RPGRIP1: variants seen among roughly 807,000 people sequenced by gnomAD.
RPGRIP1 encodes the protein RPGR interacting protein 1, also known as X-linked retinitis pigmentosa GTPase regulator-interacting protein 1.
RPGRIP1 carries 128 observed loss-of-function variants against 157.9 expected under a neutral mutation model. The observed-to-expected ratio is 0.81, with a 90% CI of 0.70 to 0.94. The LOEUF (loss-of-function observed/expected upper bound fraction) is 0.94, where lower values mean the gene tolerates loss of function less well. Ranked by LOEUF, RPGRIP1 falls within the 40% of genes least tolerant of loss-of-function variation. The pLI is 0.00. For missense variants in RPGRIP1, 1,486 were observed against 1,545.8 expected, an observed-to-expected ratio of 0.96 and a Z score of 0.65; for synonymous variants, 554 against 571.6, an observed-to-expected ratio of 0.97 and a Z score of 0.44.
intron 1 of RPGRIP1, among the ~76,000 whole-genome samples, chr14:21,283,202 T>G (rs1352835746): frequency 6.6e-6 from 1 of 152,198 alleles, no homozygotes; most frequent in African/African-American, 2.4e-5. Flanking sequence ...AAGCTTATGA[T>G]GCAGTCACCT....
intron 21 of RPGRIP1, among the ~76,000 whole-genome samples, chr14:21,339,821 T>A (rs1884804685): frequency 2.0e-5 from 3 of 152,186 alleles, no homozygotes; most frequent in Admixed American, 2.0e-4. Flanking sequence ...CCGGGCTCTG[T>A]GGGCACAAAA....
intron 15 of RPGRIP1, 30 bp from the exon 16 acceptor site, chr14:21,325,202 C>T (rs1162326317): frequency 2.5e-6 from 4 of 1,580,648 alleles, no homozygotes; most frequent in Admixed American, 3.8e-5. Flanking sequence ...CATCTGTATT[C>T]CCCCTGCTTT....
rs181924278 is a variant in RPGRIP1 at position 21,339,983 on chromosome 14, G to T, written c.3340-3053G>T. ...AAATAGGGCGATATAATAGCAATGC[G>T]AGGAGTTGAACTAGGATAGGTGTTG... is the stretch of plus-strand genomic sequence containing the variant. On this transcript the variant is annotated intron_variant, in intron 21 of 24. Transcript: ENST00000400017. 2.4e-3 allele frequency among the ~76,000 whole-genome samples: 360 copies of T among 152,276 alleles called. 3 individuals carry two copies. The highest frequency in any genetic ancestry group is 8.2e-3 in the African/African-American group (341 of 41,546).
chr14:21,327,376 A>T (rs976162268), intron 17 of RPGRIP1, among the ~76,000 whole-genome samples: 2 of 152,130 alleles, frequency 1.3e-5, no homozygotes, highest in African/African-American at 4.8e-5. Context: ...ACTCCTTTTC[A>T]TACACCCTTC....
intron 24 of RPGRIP1, among the ~76,000 whole-genome samples, chr14:21,349,480 A>C (rs1388944467): frequency 1.4e-5 from 2 of 146,340 alleles, no homozygotes; most frequent in Non-Finnish European, 3.0e-5. Context: ...AGCTCACCAC[A>C]ACCTCTGCCT....
intron 2 of RPGRIP1, among the ~76,000 whole-genome samples, chr14:21,290,909 G>A (rs1466207271): frequency 6.6e-6 from 1 of 150,962 alleles, no homozygotes; most frequent in Non-Finnish European, 1.5e-5. Context: ...GCTGAGGCAT[G>A]AGAAAAACTT....
At chr14:21,309,580 G>C (rs1204106456) in intron 7 of RPGRIP1, among the ~76,000 whole-genome samples, 1 of 152,094 alleles carries the variant, frequency 6.6e-6, no homozygotes, top group African/African-American at 2.4e-5. Context: ...TAAAAGATTA[G>C]CTTGTGTTAA....
In RPGRIP1 at chr14:21,327,595, G is replaced by A. The variant is rs555328553; in HGVS notation, c.2711-28G>A. 3.8e-6 allele frequency: 6 copies of A among 1,599,736 alleles called. No homozygotes were observed. In the South Asian group the frequency reaches 5.5e-5, roughly 15 times the overall value. The stretch of plus-strand genomic sequence containing the variant: ...TCACTTGCTTATTTCATGTGATCAG[G>A]TCTTATTAATATCTGTTTGTTTCTC... On this transcript the variant is annotated intron_variant, in intron 17 of 24. Coordinates refer to ENST00000400017, the MANE Select transcript of RPGRIP1 (RefSeq NM_020366.4).
At chr14:21,309,776 A>G (rs1393085346) in intron 7 of RPGRIP1, among the ~76,000 whole-genome samples, 1 of 152,122 alleles carries the variant, frequency 6.6e-6, no homozygotes, top group Non-Finnish European at 1.5e-5. Flanking sequence ...AGTTGATATG[A>G]TCAATTTTTT....
Position 21,345,116 on chromosome 14 carries a change from T to A in RPGRIP1, c.3536T>A (p.Ile1179Lys). 1 of 1,609,502 alleles carries A rather than the reference T, an allele frequency of 6.2e-7. No homozygotes were observed. The highest frequency in any genetic ancestry group is 8.5e-7 in the Non-Finnish European group (1 of 1,175,832). The change falls in exon 23 of 25, where the codon ATA becomes AAA. Residue 1179 changes from isoleucine to lysine, a missense_variant. Ile to Lys is a moderately radical substitution (Grantham distance 102, BLOSUM62 -3). Transcript: ENST00000400017. ...EEIHFHFSKV[I>K]DLDPQEQQGR... ...TTTTCTCTTACCCTTAATACAGTAATAGACCTGGACCCACAGGAGCAGCAA... is the reference window on the plus strand; with the variant it reads ...TTTTCTCTTACCCTTAATACAGTAAAAGACCTGGACCCACAGGAGCAGCAA...
rs553302219 is a variant in RPGRIP1 at position 21,330,384 on chromosome 14, A to G, written c.3235A>G (p.Asn1079Asp). ...ACAGAAGGAACCTCTACATCCTGTA[A>G]ATGGTATTGTCTTTTAAAATCTATT... is the stretch of plus-strand genomic sequence containing the variant. ...LKQKEPLHPV[N>D]DKESSEQGSE... The change falls in exon 20 of 25, where the codon AAT (asparagine) becomes GAT (aspartate). Residue 1079 changes from asparagine to aspartate, a missense_variant. Asn to Asp is a conservative substitution (Grantham distance 23, BLOSUM62 1). Transcript: ENST00000400017. 2.6e-6 allele frequency: 4 copies of G among 1,512,160 alleles called. No individual in the cohort carries two copies. The highest frequency in any genetic ancestry group is 3.5e-6 in the Non-Finnish European group (4 of 1,137,352). The allele number at this position is 1,512,160 out of a possible 1,614,324, so 93.7% of individuals were successfully genotyped here.
rs754062559 is a variant in RPGRIP1, at chr14:21,326,115, G to A, written c.2652G>A (p.Ser884=). ...VFDDEDLEPG[S]YLGRARVPLL... is the part of the protein sequence containing the mutation. ...ATGATGAAGACTTAGAGCCTGGCTC[G>A]TATCTTGGCCGAGCCCGAGTGCCTT... Residue 884 remains serine (S), a synonymous_variant, in exon 17 of 25, where the codon TCG becomes TCA. Coordinates refer to ENST00000400017, the MANE Select transcript of RPGRIP1 (RefSeq NM_020366.4). 2.6e-5 allele frequency: 41 copies of A among 1,605,458 alleles called. No homozygotes were observed. Among genetic ancestry groups the A allele is most frequent in the Non-Finnish European group, 3.4e-5 (40 of 1,174,232 alleles).
chr14:21,330,197 A>C (rs1001781283), intron 19 of RPGRIP1, 52 bp from the exon 20 acceptor site: 1 of 1,359,914 alleles, frequency 7.4e-7, no homozygotes, highest in African/African-American at 1.5e-5. Flanking sequence ...GGAATGAAGA[A>C]AGAAAACCAA....
At chr14:21,291,255 G>C (rs1022838019) in intron 2 of RPGRIP1, among the ~76,000 whole-genome samples, 1 of 151,948 alleles carries the variant, frequency 6.6e-6, no homozygotes, top group Non-Finnish European at 1.5e-5. Context: ...TGAGAATTTT[G>C]TGCTTCTGAA....
At chr14:21,342,350 G>A (rs1347419044) in intron 21 of RPGRIP1, among the ~76,000 whole-genome samples, 5 of 151,960 alleles carry the variant, frequency 3.3e-5, no homozygotes, top group South Asian at 2.1e-4. Context: ...CTAGACCATC[G>A]TGGGCAACAT....
chr14:21,329,989 G>A (rs988835402), intron 19 of RPGRIP1, among the ~76,000 whole-genome samples: 3 of 150,942 alleles, frequency 2.0e-5, no homozygotes, highest in East Asian at 4.0e-4. Flanking sequence ...GTGGTGACGG[G>A]CTCCTGTAAT....
At position 21,325,507 on chromosome 14, in the gene RPGRIP1, C is replaced by T. The variant is rs980735549; in HGVS notation, c.2367+124C>T. The T allele has an allele frequency of 2.2e-5, 21 of 941,938 alleles. No individual in the cohort carries two copies. The South Asian group carries it at 3.7e-4, about 16-fold the overall frequency. 58.3% of individuals were successfully genotyped at this position (941,938 alleles called of 1,614,324 possible). A position where few individuals can be genotyped will look rare whatever the true frequency, so the allele number is the denominator to read the frequency against. On this transcript the variant is annotated intron_variant, in intron 16 of 24. Coordinates refer to ENST00000400017, the MANE Select transcript of RPGRIP1 (RefSeq NM_020366.4). ...GTGAATGAAAGAGAAAACTGTCACA[C>T]CACAACTAGTCTGGATTATTCCCTT...
chr14:21,308,178 GAAGGA>G (rs1046604099), intron 7 of RPGRIP1, among the ~76,000 whole-genome samples: 3 of 152,204 alleles, frequency 2.0e-5, no homozygotes, highest in African/African-American at 4.8e-5. Flanking sequence ...ACAGGGAAGG[GAAGGA>G]AACTAGCCTT....
At chr14:21,334,471 C>G (rs150151888) in intron 20 of RPGRIP1, 134 bp from the exon 21 acceptor site, 1 of 682,648 alleles carries the variant, frequency 1.5e-6, no homozygotes, top group Non-Finnish European at 2.7e-6. Flanking sequence ...GGGTTTGATT[C>G]TTAGTAAGTG....
Sources: allele counts gnomAD v4.1 joint callset (sites outside exome capture counted in the v4.1 genomes callset), GRCh38; gene constraint gnomAD v4.1.1; transcripts MANE v1.5; gene names NCBI Gene and HGNC (gene_info 2026-07-23, HGNC 2026-07-21).